Variants in EXT1 observed in about 807,000 individuals in gnomAD.
The protein encoded by EXT1 is exostosin-1.
In EXT1, 20 loss-of-function variants were observed where a neutral mutation model predicts 82.5. The observed-to-expected ratio is 0.24, with a 90% confidence interval of 0.17 to 0.35. The LOEUF (loss-of-function observed/expected upper bound fraction) is 0.35, where lower values mean the gene tolerates loss of function less well. Among genes scored for constraint, EXT1 ranks in the 10% least tolerant of loss-of-function variants. The pLI is 1.00. For missense variants in EXT1, 757 were observed against 936.5 expected (o/e 0.81, Z 2.50); for synonymous variants, 348 against 350.8 (o/e 0.99, Z 0.09).
intron 1 of EXT1, among the ~76,000 whole-genome samples, chr8:117,960,188 G>C (rs535537968): frequency 6.6e-6 from 1 of 152,282 alleles, no homozygotes; most frequent in Non-Finnish European, 1.5e-5. Context: ...TCCAGCCTGG[G>C]TGACAGAGCG....
At chr8:117,937,345 G>T (rs952235284) in intron 1 of EXT1, among the ~76,000 whole-genome samples, 6 of 152,132 alleles carry the variant, frequency 3.9e-5, no homozygotes, top group Admixed American at 2.0e-4. Flanking sequence ...TATAATCGAG[G>T]ACACAATCCA....
chr8:117,972,400 G>A (rs1446017300), intron 1 of EXT1, among the ~76,000 whole-genome samples: 11 of 152,140 alleles, frequency 7.2e-5, no homozygotes. Flanking sequence ...TTAGTTAAGT[G>A]ATAGATAGAC....
At chr8:117,969,964 C>T (rs1814905183) in intron 1 of EXT1, among the ~76,000 whole-genome samples, 1 of 152,112 alleles carries the variant, frequency 6.6e-6, no homozygotes, top group South Asian at 2.1e-4. Context: ...AGCTATGGAC[C>T]GGAGGAAGGA....
At chr8:117,900,288 C>G (rs978361774) in intron 1 of EXT1, among the ~76,000 whole-genome samples, 6 of 152,294 alleles carry the variant, frequency 3.9e-5, no homozygotes, top group South Asian at 2.1e-4. Flanking sequence ...TGTTTCTCCC[C>G]AAAGGCATGG....
intron 1 of EXT1, among the ~76,000 whole-genome samples, chr8:118,090,113 C>T (rs972804807): frequency 8.5e-5 from 13 of 152,174 alleles, no homozygotes; most frequent in African/African-American, 2.9e-4. Context: ...AAGTGTCAAC[C>T]AAAAACCTGT....
chr8:118,050,119 A>C (rs1237855200), intron 1 of EXT1, among the ~76,000 whole-genome samples: 1 of 152,148 alleles, frequency 6.6e-6, no homozygotes, highest in Non-Finnish European at 1.5e-5. Flanking sequence ...TAAATAAAGG[A>C]AGGTAGAGAG....
chr8:118,017,278 G>C (rs1349787767), intron 1 of EXT1, among the ~76,000 whole-genome samples: 2 of 152,106 alleles, frequency 1.3e-5, no homozygotes, highest in African/African-American at 4.8e-5. Context: ...GCTTGTCTCA[G>C]CTGGCCTGGG....
At chr8:117,973,989 A>AAGGAAGGAAGGAAGGAAG (rs1815016751) in intron 1 of EXT1, among the ~76,000 whole-genome samples, 2 of 80,130 alleles carry the variant, frequency 2.5e-5, no homozygotes, top group Admixed American at 1.3e-4. Flanking sequence ...AAGGAAGGAA[A>AAGGAAGGAAGGAAGGAAG]TAAATGTCTT....
At chr8:118,094,605 A>T (rs2445907) in intron 1 of EXT1, among the ~76,000 whole-genome samples, 76,718 of 152,096 alleles carry the variant, frequency 0.5, 21,733 homozygotes, top group Middle Eastern at 0.67. Context: ...TACATGTATT[A>T]TTACTCATTT....
chr8:117,905,308 T>A (rs1329591516), intron 1 of EXT1, among the ~76,000 whole-genome samples: 2 of 152,130 alleles, frequency 1.3e-5, no homozygotes, highest in African/African-American at 4.8e-5. Context: ...GGCACGTAGG[T>A]ACCAACAAGT....
chr8:117,936,881 T>A (rs1006794578), intron 1 of EXT1, among the ~76,000 whole-genome samples: 2 of 151,756 alleles, frequency 1.3e-5, no homozygotes, highest in Non-Finnish European at 2.9e-5. Context: ...TCTCAAAAAA[T>A]AAATAAATAA....
In EXT1 at chr8:117,902,494, A is replaced by G. The variant is rs112110399; in HGVS notation, c.963-65293T>C. ...AAGACAGTATAACAGGTATGATGCC[A>G]CTAGCTAATAGGAATTTCTCAGTTC... On this transcript the variant is annotated intron_variant, in intron 1 of 10. Transcript: ENST00000378204. 1.9e-4 allele frequency among the ~76,000 whole-genome samples: 29 copies of G among 152,338 alleles called. No homozygotes were observed. In the South Asian group the frequency reaches 2.3e-3, roughly 12 times the overall value.
intron 1 of EXT1, among the ~76,000 whole-genome samples, chr8:117,941,566 G>A (rs543237374): frequency 2.0e-5 from 3 of 152,114 alleles, no homozygotes; most frequent in Non-Finnish European, 2.9e-5. Flanking sequence ...CCAGGCATTC[G>A]CCACACACAG....
At chr8:117,909,256 T>A (rs549573387) in intron 1 of EXT1, among the ~76,000 whole-genome samples, 4 of 152,298 alleles carry the variant, frequency 2.6e-5, no homozygotes, top group African/African-American at 9.6e-5. Context: ...GGCCCTTCAG[T>A]TGCAATTGGA....
intron 1 of EXT1, among the ~76,000 whole-genome samples, chr8:117,927,250 T>G (rs936716267): frequency 1.5e-4 from 23 of 151,912 alleles, no homozygotes; most frequent in African/African-American, 4.4e-4. Flanking sequence ...ATCAAAAAGG[T>G]TTTTTGGAAA....
At chr8:117,979,374 ACAAAC>A (rs568747687) in intron 1 of EXT1, among the ~76,000 whole-genome samples, 35 of 148,102 alleles carry the variant, frequency 2.4e-4, no homozygotes, top group East Asian at 5.9e-4. Flanking sequence ...AAACAAACAA[ACAAAC>A]AAAAAAACAA....
chr8:117,868,263 T>C (rs10108788), intron 1 of EXT1, among the ~76,000 whole-genome samples: 5,307 of 152,188 alleles, frequency 0.035, 325 homozygotes, highest in African/African-American at 0.12. Flanking sequence ...ACCTATTCCC[T>C]TATGGGGAGC....
intron 1 of EXT1, among the ~76,000 whole-genome samples, chr8:117,996,939 G>C (rs987228129): frequency 6.6e-6 from 1 of 152,130 alleles, no homozygotes; most frequent in Admixed American, 6.6e-5. Context: ...GGCCAGCAGA[G>C]CACTACTTTA....
At chr8:117,854,557 G>A (rs1025344197) in intron 1 of EXT1, among the ~76,000 whole-genome samples, 2 of 152,202 alleles carry the variant, frequency 1.3e-5, no homozygotes, top group Admixed American at 6.5e-5. Context: ...CTGCTGGTAA[G>A]TGTTAAAGGA....
Sources: allele counts gnomAD v4.1 joint callset (sites outside exome capture counted in the v4.1 genomes callset), GRCh38; gene constraint gnomAD v4.1.1; transcripts MANE v1.5; gene names NCBI Gene and HGNC (gene_info 2026-07-23, HGNC 2026-07-21).